The following POU3F3 variants were observed in gnomAD, a reference collection of about 807,000 sequenced individuals.
POU3F3 encodes POU domain, class 3, transcription factor 3.
In POU3F3, 1 loss-of-function variant was observed where a neutral mutation model predicts 8.6. The ratio of observed to expected loss-of-function variants is 0.12; its 90% CI spans 0.04 to 0.55. The LOEUF (loss-of-function observed/expected upper bound fraction) is 0.55, where lower values mean the gene tolerates loss of function less well. POU3F3 is among the 20% of genes least tolerant of loss of function. POU3F3 has a pLI of 0.91. For synonymous variants in POU3F3, 418 were observed against 327.4 expected (o/e 1.28, Z -2.99); for missense variants, 577 against 690.7 (o/e 0.84, Z 1.84).
the POU3F3 span, among the ~76,000 whole-genome samples, chr2:104,906,621 G>A: frequency 3.3e-5 from 5 of 152,268 alleles, no homozygotes; most frequent in East Asian, 1.9e-4. Context: ...TCAACCTGTC[G>A]ATATCTGCCC....
the POU3F3 span, among the ~76,000 whole-genome samples, chr2:104,886,306 G>A: frequency 6.6e-6 from 1 of 152,092 alleles, no homozygotes; most frequent in African/African-American, 2.4e-5. Context: ...ATATATTTAT[G>A]GTACTTTTTC....
At chr2:104,917,556 T>C in the POU3F3 span, among the ~76,000 whole-genome samples, 1 of 151,104 alleles carries the variant, frequency 6.6e-6, no homozygotes, top group African/African-American at 2.4e-5. Context: ...GGATGGGAGT[T>C]TGAGAAGGGG....
the POU3F3 span, among the ~76,000 whole-genome samples, chr2:104,892,437 A>G: frequency 6.6e-6 from 1 of 152,090 alleles, no homozygotes; most frequent in African/African-American, 2.4e-5. Context: ...CATGTGAGAT[A>G]TTCATGCTTA....
chr2:104,923,762 C>A, the POU3F3 span, among the ~76,000 whole-genome samples: 2 of 152,094 alleles, frequency 1.3e-5, no homozygotes, highest in Non-Finnish European at 2.9e-5. Flanking sequence ...TTAAGAAATA[C>A]ATTATTCAAC....
downstream of POU3F3, among the ~76,000 whole-genome samples, chr2:104,862,622 C>T (rs1418319042): frequency 1.3e-5 from 2 of 152,142 alleles, no homozygotes; most frequent in Non-Finnish European, 2.9e-5. Flanking sequence ...CGGCCCGGCA[C>T]GGCCGGGCGG....
the POU3F3 span, among the ~76,000 whole-genome samples, chr2:104,920,140 G>A: frequency 3.9e-5 from 6 of 151,974 alleles, no homozygotes; most frequent in Non-Finnish European, 5.9e-5. Context: ...TCAGTCACCC[G>A]AGCACCTGGA....
At chr2:104,927,053 T>C in the POU3F3 span, among the ~76,000 whole-genome samples, 2 of 152,152 alleles carry the variant, frequency 1.3e-5, no homozygotes, top group East Asian at 1.9e-4. Flanking sequence ...TGTATACCTA[T>C]GTAACAAACC....
At chr2:104,913,434 G>T in the POU3F3 span, among the ~76,000 whole-genome samples, 9 of 152,138 alleles carry the variant, frequency 5.9e-5, no homozygotes, top group Non-Finnish European at 1.5e-5. Flanking sequence ...AAAGGCAGAG[G>T]CTTGGGCACT....
chr2:104,900,730 A>G, the POU3F3 span, among the ~76,000 whole-genome samples: 581 of 152,292 alleles, frequency 3.8e-3, 6 homozygotes, highest in African/African-American at 0.013. Context: ...TGGCAAATCA[A>G]TGTATTTTCC....
the POU3F3 span, among the ~76,000 whole-genome samples, chr2:104,918,505 T>G: frequency 9.2e-5 from 14 of 152,290 alleles, no homozygotes; most frequent in Admixed American, 8.5e-4. Context: ...GCAAGGTGAC[T>G]GGTGTCCTTA....
the POU3F3 span, among the ~76,000 whole-genome samples, chr2:104,884,208 G>A: frequency 1.3e-5 from 2 of 152,186 alleles, no homozygotes; most frequent in African/African-American, 4.8e-5. Context: ...GAGTAGTGGT[G>A]AAATTCAAAA....
chr2:104,900,965 C>T, the POU3F3 span, among the ~76,000 whole-genome samples: 1 of 152,142 alleles, frequency 6.6e-6, no homozygotes, highest in Non-Finnish European at 1.5e-5. Context: ...TTGCTGTCTC[C>T]CCCTGGTTGC....
the POU3F3 span, among the ~76,000 whole-genome samples, chr2:104,865,177 G>C: frequency 2.0e-5 from 3 of 152,196 alleles, no homozygotes. Flanking sequence ...ACTGAGTCTG[G>C]TCTTTAATTC....
In POU3F3 at chr2:104,854,761, C is replaced by T. The variant is rs1676512641; in HGVS notation, c.-750C>T. On this transcript the variant is annotated 5_prime_UTR_variant, in exon 1 of 1. Transcript: ENST00000361360. This position sits in a 1 kb window ranked among gnomAD's most constrained non-coding sequence, Gnocchi z 4.5. ...GGAGCCAGCCTCCCCTCTCCGCACT[C>T]GCGAGCAGCCAGCAGCACCACGCCT... is the stretch of plus-strand genomic sequence containing the variant. 6.6e-6 allele frequency among the ~76,000 whole-genome samples: 1 copy of T among 152,094 alleles called. No homozygotes were observed. The highest frequency in any genetic ancestry group is 1.5e-5 in the Non-Finnish European group (1 of 68,022).
the POU3F3 span, among the ~76,000 whole-genome samples, chr2:104,874,620 G>A: frequency 1.7e-4 from 26 of 152,102 alleles, no homozygotes; most frequent in Non-Finnish European, 3.7e-4. Flanking sequence ...AAAGGGTGAG[G>A]CATCCGGAAG....
chr2:104,926,460 TG>T, the POU3F3 span, among the ~76,000 whole-genome samples: 1 of 152,178 alleles, frequency 6.6e-6, no homozygotes, highest in Non-Finnish European at 1.5e-5. Flanking sequence ...AAACAACAGC[TG>T]CTTTAGAGGA....
chr2:104,903,429 C>T, the POU3F3 span, among the ~76,000 whole-genome samples: 1 of 152,190 alleles, frequency 6.6e-6, no homozygotes, highest in Non-Finnish European at 1.5e-5. Context: ...CAGGAGTTCA[C>T]CTGACCTCAG....
chr2:104,872,091 C>G, the POU3F3 span, among the ~76,000 whole-genome samples: 3 of 152,090 alleles, frequency 2.0e-5, no homozygotes, highest in Admixed American at 2.0e-4. The surrounding 1 kb of genome is among the most constrained non-coding windows in gnomAD (Gnocchi z 4.6). Context: ...CACACACACA[C>G]TCTTCCTTGC....
the POU3F3 span, among the ~76,000 whole-genome samples, chr2:104,901,771 T>G: frequency 6.6e-6 from 1 of 152,156 alleles, no homozygotes; most frequent in African/African-American, 2.4e-5. Context: ...CTGACTGCAT[T>G]GGAAAGCCTT....
Sources: gnomAD v4.1 joint callset for allele counts (sites outside exome capture counted in the v4.1 genomes callset) on GRCh38, gnomAD v4.1.1 for gene constraint, Gnocchi (gnomAD v3.1) non-coding constraint, MANE v1.5 for transcripts, NCBI Gene and HGNC (gene_info 2026-07-23, HGNC 2026-07-21) for gene names.